Variants in IFT25 observed in about 807,000 individuals in gnomAD.
The protein encoded by IFT25 is intraflagellar transport protein 25 homolog.
chr1:53,940,527 T>C, the IFT25 span, among the ~76,000 whole-genome samples: 8 of 152,144 alleles, frequency 5.3e-5, no homozygotes, highest in South Asian at 1.0e-3. Context: ...AATTATTCCA[T>C]TGAGTGTTAA....
the IFT25 span, among the ~76,000 whole-genome samples, chr1:53,911,819 T>G: frequency 6.6e-6 from 1 of 152,152 alleles, no homozygotes; most frequent in African/African-American, 2.4e-5. Flanking sequence ...TAAAACAGGG[T>G]ATCAATAGTG....
At chr1:53,942,120 T>C in the IFT25 span, among the ~76,000 whole-genome samples, 2 of 152,234 alleles carry the variant, frequency 1.3e-5, no homozygotes, top group Non-Finnish European at 2.9e-5. Flanking sequence ...TGTCAGCTGA[T>C]ATGCTAGGTG....
the IFT25 span, among the ~76,000 whole-genome samples, chr1:53,918,659 ATCTCT>A: frequency 1.3e-5 from 2 of 152,288 alleles, no homozygotes; most frequent in African/African-American, 4.8e-5. Flanking sequence ...TTGTTCCTCT[ATCTCT>A]TGAGTTTCCT....
chr1:53,924,249 A>G, the IFT25 span, among the ~76,000 whole-genome samples: 1 of 152,150 alleles, frequency 6.6e-6, no homozygotes, highest in Non-Finnish European at 1.5e-5. Flanking sequence ...TCTTTTTAAA[A>G]CATTTATTTA....
chr1:53,917,222 T>C, the IFT25 span: 2 of 152,102 alleles, frequency 1.3e-5, no homozygotes, highest in African/African-American at 2.4e-5. Flanking sequence ...TAAGTAGAAA[T>C]ACTCCTACAA....
chr1:53,929,464 C>G, the IFT25 span: 1 of 152,364 alleles, frequency 6.6e-6, no homozygotes, highest in East Asian at 1.9e-4. Flanking sequence ...TTTGAACCAT[C>G]TGGGATGTAT....
At chr1:53,925,305 C>T in the IFT25 span, among the ~76,000 whole-genome samples, 1 of 152,062 alleles carries the variant, frequency 6.6e-6, no homozygotes, top group African/African-American at 2.4e-5. Context: ...TCTTGTACAA[C>T]TCTATCACCA....
chr1:53,928,306 A>G, the IFT25 span: 1 of 1,257,606 alleles, frequency 8.0e-7, no homozygotes, highest in Non-Finnish European at 1.2e-6. Flanking sequence ...GCTAGATGAG[A>G]AATGCAGAAT....
chr1:53,936,312 T>C, the IFT25 span, among the ~76,000 whole-genome samples: 2 of 151,556 alleles, frequency 1.3e-5, no homozygotes, highest in African/African-American at 4.9e-5. Flanking sequence ...TAGTCGGACA[T>C]GGTGGTGCAT....
chr1:53,927,442 C>T, the IFT25 span, among the ~76,000 whole-genome samples: 1 of 152,164 alleles, frequency 6.6e-6, no homozygotes, highest in Non-Finnish European at 1.5e-5. Context: ...TAGGCTTCCA[C>T]TAGTATCGTA....
the IFT25 span, among the ~76,000 whole-genome samples, chr1:53,945,133 T>C: frequency 6.6e-6 from 1 of 152,104 alleles, no homozygotes; most frequent in East Asian, 1.9e-4. Flanking sequence ...CCTCCTCAGT[T>C]CAAGGCCCTA....
the IFT25 span, among the ~76,000 whole-genome samples, chr1:53,914,641 A>G: frequency 6.6e-6 from 1 of 152,160 alleles, no homozygotes; most frequent in Non-Finnish European, 1.5e-5. Context: ...TTATTAGGCT[A>G]TATTTCTAGA....
the IFT25 span, chr1:53,945,788 G>C: frequency 3.1e-5 from 4 of 128,996 alleles, no homozygotes; most frequent in Non-Finnish European, 6.4e-5. Context: ...CCGGGCGCGC[G>C]CTCCTACCCC....
the IFT25 span, among the ~76,000 whole-genome samples, chr1:53,938,846 G>A: frequency 1.7e-3 from 264 of 152,114 alleles, 1 homozygote; most frequent in African/African-American, 5.7e-3. Flanking sequence ...AGGCCAAGGC[G>A]GGCGAATCAC....
At chr1:53,933,158 C>T in the IFT25 span, among the ~76,000 whole-genome samples, 33 of 125,656 alleles carry the variant, frequency 2.6e-4, no homozygotes, top group African/African-American at 8.9e-4. Context: ...TTTTTTGAGG[C>T]GGAGTCTCAC....
chr1:53,912,253 T>C, the IFT25 span, among the ~76,000 whole-genome samples: 1 of 152,168 alleles, frequency 6.6e-6, no homozygotes. Context: ...CACTAAATAA[T>C]AGTAGCTGGA....
the IFT25 span, among the ~76,000 whole-genome samples, chr1:53,941,841 T>C: frequency 6.6e-6 from 1 of 152,214 alleles, no homozygotes; most frequent in South Asian, 2.1e-4. Flanking sequence ...ATGGAATTCC[T>C]ACCCATCTGG....
At chr1:53,940,320 C>A in the IFT25 span, among the ~76,000 whole-genome samples, 47 of 152,022 alleles carry the variant, frequency 3.1e-4, no homozygotes, top group Admixed American at 5.2e-4. Context: ...AAAATAAGTC[C>A]CTGACTACCC....
the IFT25 span, chr1:53,928,392 A>T: frequency 6.2e-7 from 1 of 1,613,396 alleles, no homozygotes. Flanking sequence ...CCATTGCTCA[A>T]AATCAACTGG....
Sources: allele counts gnomAD v4.1 joint callset (sites outside exome capture counted in the v4.1 genomes callset), GRCh38; gene constraint gnomAD v4.1.1; transcripts MANE v1.5; gene names NCBI Gene and HGNC (gene_info 2026-07-23, HGNC 2026-07-21).